Variants in CD207 observed in about 807,000 individuals in gnomAD.
The protein encoded by CD207 is C-type lectin domain family 4 member K.
Under a neutral mutation model 31.6 loss-of-function variants are expected in CD207, and 28 were observed. The observed-to-expected ratio is 0.89, with a 90% CI of 0.66 to 1.21. The LOEUF (loss-of-function observed/expected upper bound fraction) is 1.21. CD207 is among the 50% of genes most tolerant of loss of function. The pLI is 0.00. For missense variants in CD207, 388 were observed against 397.8 expected (o/e 0.98, Z 0.21); for synonymous variants, 168 against 153.9 (o/e 1.09, Z -0.68).
At chr2:70,826,669 C>T (rs1553398941), downstream of CD207, among the ~76,000 whole-genome samples, 2 of 152,184 alleles carry the variant, frequency 1.3e-5, no homozygotes, top group African/African-American at 4.8e-5. Flanking sequence ...AGCCTCATGC[C>T]TGCACTTTTC....
In CD207 at chr2:70,833,052, C is replaced by G. The variant is rs1553400169; in HGVS notation, c.566-1G>C. On this transcript the variant is annotated splice_acceptor_variant, in intron 3 of 5. Transcript: ENST00000410009. LOFTEE classifies it high-confidence loss of function. Reference sequence around the variant, plus strand: ...TGAGAAACCACCTGTAGAATATCATCTAGAGAACAAGAGGTAAAAGTGAAC... The same window carrying G: ...TGAGAAACCACCTGTAGAATATCATGTAGAGAACAAGAGGTAAAAGTGAAC... The G allele has an allele frequency of 6.2e-7, 1 of 1,613,892 alleles. No homozygotes were observed. Among genetic ancestry groups the G allele is most frequent in the East Asian group, 2.2e-5 (1 of 44,876 alleles).
At position 70,833,569 on chromosome 2, in the gene CD207, C is replaced by A. The variant is rs568360463; in HGVS notation, c.565+77G>T. The stretch of plus-strand genomic sequence containing the variant: ...CACTCTCCTCCCCAACCCACCAGCC[C>A]AATGGCCTCAGGTCTGGGACAGGTA... On this transcript the variant is annotated intron_variant, in intron 3 of 5. Transcript: ENST00000410009. 20 of 1,448,376 alleles carry A rather than the reference C, an allele frequency of 1.4e-5. No individual in the cohort carries two copies. In the African/African-American group the frequency reaches 2.6e-4, roughly 18 times the overall value. The allele number at this position is 1,448,376 out of a possible 1,614,324, so 89.7% of individuals were successfully genotyped here.
Position 70,831,055 on chromosome 2 carries a change from G to T in CD207, c.982C>A (p.Pro328Thr), listed in dbSNP as rs868925252. Residue 328 changes from proline (P) to threonine (T), a missense_variant, in exon 6 of 6, where the codon CCG becomes ACG. By Grantham distance (38) the Pro-to-Thr change is conservative (BLOSUM62 -1). Coordinates refer to ENST00000410009, the MANE Select transcript of CD207 (RefSeq NM_015717.5). ...ICKRPYVPSE[P>T] ...GAGCTTGGGAGCCTGTCCTGTCACG[G>T]TTCTGATGGGACATAGGGTCGCTTA... 6.2e-7 allele frequency: 1 copy of T among 1,613,618 alleles called. No homozygotes were observed. The highest frequency in any genetic ancestry group is 8.5e-7 in the Non-Finnish European group (1 of 1,179,718).
intron 4 of CD207, among the ~76,000 whole-genome samples, chr2:70,832,273 G>A (rs1486775681): frequency 2.6e-5 from 4 of 152,116 alleles, no homozygotes; most frequent in Non-Finnish European, 5.9e-5. Flanking sequence ...CAGTGAAGTT[G>A]GGTATTCCAC....
At chr2:70,831,647 C>T in intron 5 of CD207, 54 bp downstream of exon 5, 2 of 1,072,502 alleles carry the variant, frequency 1.9e-6, no homozygotes, top group Non-Finnish European at 2.9e-6. Flanking sequence ...TCCCTTCATG[C>T]CCTGGCCATG....
downstream of CD207, among the ~76,000 whole-genome samples, chr2:70,826,677 T>C (rs1438662100): frequency 6.6e-6 from 1 of 152,190 alleles, no homozygotes; most frequent in African/African-American, 2.4e-5. Context: ...GCCTGCACTT[T>C]TCTGCAAGGA....
chr2:70,832,468 T>A (rs1027234136), intron 4 of CD207, among the ~76,000 whole-genome samples: 4 of 152,246 alleles, frequency 2.6e-5, no homozygotes, highest in Non-Finnish European at 5.9e-5. Context: ...TATTTCTTTT[T>A]TTCTGGGCAC....
At chr2:70,828,722 G>C (rs1349502683), downstream of CD207, among the ~76,000 whole-genome samples, 2 of 152,198 alleles carry the variant, frequency 1.3e-5, no homozygotes, top group African/African-American at 4.8e-5. Context: ...CTGGAGTGCA[G>C]TGGTGGGATC....
intron 5 of CD207, among the ~76,000 whole-genome samples, chr2:70,831,495 T>G (rs1553399765): frequency 6.6e-6 from 1 of 152,226 alleles, no homozygotes; most frequent in Non-Finnish European, 1.5e-5. Flanking sequence ...AAGGCCTTGT[T>G]GCCAAACCCC....
chr2:70,829,722 T>G (rs1379640188), downstream of CD207, among the ~76,000 whole-genome samples: 1 of 152,200 alleles, frequency 6.6e-6, no homozygotes, highest in South Asian at 2.1e-4. Flanking sequence ...GTGACCCATT[T>G]GCACCCAGAA....
downstream of CD207, among the ~76,000 whole-genome samples, chr2:70,825,539 T>TA (rs1677322541): frequency 7.5e-6 from 1 of 133,718 alleles, no homozygotes; most frequent in African/African-American, 2.7e-5. Flanking sequence ...TAATATAAAG[T>TA]TTTTAAAAAA....
In CD207 at chr2:70,835,449, C is replaced by T. The variant is rs1553400826; in HGVS notation, c.190+42G>A. 4 of 1,459,082 alleles carry T rather than the reference C, an allele frequency of 2.7e-6. No homozygotes were observed. The African/African-American group carries it at 4.2e-5, about 15-fold the overall frequency. The allele number at this position is 1,459,082 out of a possible 1,614,324, so 90.4% of individuals were successfully genotyped here. ...CGATCTGAAGGGAGCCGGCTGGCCACAGAGAGGGGCTAAGCCCAGACGATG... is the reference window on the plus strand; with the variant it reads ...CGATCTGAAGGGAGCCGGCTGGCCATAGAGAGGGGCTAAGCCCAGACGATG... On this transcript the variant is annotated intron_variant, in intron 2 of 5. Coordinates refer to ENST00000410009, the MANE Select transcript of CD207 (RefSeq NM_015717.5).
chr2:70,835,761 CCTT>C lies in CD207; in HGVS notation c.13_15del (p.Lys5del). ...ACAGTGAAGTGCGCATCAGGGGCCT[CCTT>C]CTCCACAGTCATCCTGAGTGCTCAC... On this transcript the variant is annotated inframe_deletion, in exon 1 of 6. Coordinates refer to ENST00000410009, the MANE Select transcript of CD207 (RefSeq NM_015717.5). 2 of 1,612,368 alleles carry C rather than the reference CCTT, an allele frequency of 1.2e-6. No individual in the cohort carries two copies. The highest frequency in any genetic ancestry group is 1.1e-5 in the South Asian group (1 of 90,564).
intron 4 of CD207, among the ~76,000 whole-genome samples, chr2:70,832,236 A>C (rs1553399947): frequency 1.3e-5 from 2 of 152,184 alleles, no homozygotes; most frequent in Admixed American, 6.5e-5. Flanking sequence ...TGCATGTTTC[A>C]TCAAGTGAGG....
At chr2:70,833,599 C>T (rs1553400236) in intron 3 of CD207, 47 bp downstream of exon 3, 1 of 1,529,290 alleles carries the variant, frequency 6.5e-7, no homozygotes, top group Non-Finnish European at 8.8e-7. Context: ...CAGGTAAGAT[C>T]CCATGGGCCA....
At chr2:70,833,511 CT>C (rs1677528297) in intron 3 of CD207, 134 bp downstream of exon 3, 1 of 1,049,146 alleles carries the variant, frequency 9.5e-7, no homozygotes, top group South Asian at 1.8e-5. Context: ...CTCTCCTTAA[CT>C]TCCTAGCCCA....
At chr2:70,828,162 G>T (rs1677389091), downstream of CD207, among the ~76,000 whole-genome samples, 5 of 152,204 alleles carry the variant, frequency 3.3e-5, no homozygotes, top group Admixed American at 3.3e-4. Flanking sequence ...ACGAGGAGCT[G>T]CCCAGGTATT....
intron 5 of CD207, 138 bp from the exon 6 acceptor site, chr2:70,831,338 G>C (rs1233584357): frequency 4.7e-6 from 4 of 850,524 alleles, no homozygotes; most frequent in African/African-American, 3.4e-5. Context: ...CCAAGCCTCA[G>C]AGGAAGGGGA....
chr2:70,833,772 C>A lies in CD207; in HGVS notation c.439G>T (p.Val147Phe). 1 of 1,614,058 alleles carries A rather than the reference C, an allele frequency of 6.2e-7. No homozygotes were observed. Among genetic ancestry groups the A allele is most frequent in the Admixed American group, 1.7e-5 (1 of 60,022 alleles). Residue 147 changes from valine to phenylalanine, a missense_variant, in exon 3 of 6, where the codon GTC becomes TTC. Coordinates refer to ENST00000410009, the MANE Select transcript of CD207 (RefSeq NM_015717.5). The stretch of plus-strand genomic sequence containing the variant: ...GGGATTTGGGCATTTAAGGTACTGA[C>A]TTCTTCCCAACTTCTTGTTAAGATC... ...IQILTRSWEE[V>F]STLNAQIPEL...
Sources: allele counts gnomAD v4.1 joint callset (sites outside exome capture counted in the v4.1 genomes callset), GRCh38; gene constraint gnomAD v4.1.1; transcripts MANE v1.5; gene names NCBI Gene and HGNC (gene_info 2026-07-23, HGNC 2026-07-21).